Variants in RDH13 observed in about 807,000 individuals in gnomAD.
RDH13 encodes retinol dehydrogenase 13, also known as retinol dehydrogenase 13 (all-trans and 9-cis).
A neutral mutation model predicts 28.3 loss-of-function variants in RDH13; 35 were observed. That is an observed-to-expected ratio of 1.24 (90% CI 0.95 to 1.64). RDH13 has a LOEUF of 1.64. Among genes scored for constraint, RDH13 ranks in the 40% most tolerant of loss-of-function variants. The pLI is 0.00. For synonymous variants in RDH13, 229 were observed against 198.5 expected (o/e 1.15, Z -1.29); for missense variants, 514 against 446.3 (o/e 1.15, Z -1.37).
upstream of RDH13, among the ~76,000 whole-genome samples, chr19:55,068,065 TCTCTCTTTCTCTCCCCCTTC>T (rs920950328): frequency 1.5e-5 from 2 of 134,610 alleles, no homozygotes; most frequent in African/African-American, 5.4e-5. Flanking sequence ...TTCTCCCCCA[TCTCTCTTTCTCTCCCCCTTC>T]CTCTCTTTCT....
intron 2 of RDH13, among the ~76,000 whole-genome samples, chr19:55,058,681 T>C (rs1189511957): frequency 6.6e-6 from 1 of 150,594 alleles, no homozygotes; most frequent in Admixed American, 6.6e-5. Flanking sequence ...TTTTTTTTGT[T>C]TTGCTTTGTT....
At chr19:55,048,564 G>T (rs1257669596) in intron 4 of RDH13, 23 bp from the exon 5 acceptor site, 1 of 1,613,040 alleles carries the variant, frequency 6.2e-7, no homozygotes, top group Admixed American at 1.7e-5. Context: ...TGATGAAAAG[G>T]TCACTTTTGA....
chr19:55,052,701 A>G (rs1010135845), intron 3 of RDH13, among the ~76,000 whole-genome samples: 12 of 148,294 alleles, frequency 8.1e-5, no homozygotes, highest in Admixed American at 2.0e-4. Flanking sequence ...TCACTCTGTC[A>G]CCCAGGCTGG....
chr19:55,059,124 T>A (rs760138398), intron 2 of RDH13, 33 bp downstream of exon 2: 1 of 1,382,962 alleles, frequency 7.2e-7, no homozygotes, highest in South Asian at 1.2e-5. Flanking sequence ...TGTACAGATA[T>A]CTCTCTGAGA....
rs753924576 is a variant in RDH13 at position 55,048,557 on chromosome 19, T to C, written c.446-16A>G. The C allele has an allele frequency of 1.2e-6, 2 of 1,613,606 alleles. No individual in the cohort carries two copies. The highest frequency in any genetic ancestry group is 3.3e-5 in the Admixed American group (2 of 60,012). On this transcript the variant is annotated splice_polypyrimidine_tract_variant and intron_variant, in intron 4 of 6. Transcript: ENST00000415061. ...AGAAAGTGACCTGGATTAAGGATGA[T>C]GAAAAGGTCACTTTTGACTCACACC...
intron 3 of RDH13, among the ~76,000 whole-genome samples, chr19:55,052,284 T>C (rs371893883): frequency 5.3e-5 from 8 of 151,970 alleles, no homozygotes; most frequent in African/African-American, 1.9e-4. Context: ...GGCAGGTGCC[T>C]GTAATCCCAG....
chr19:55,068,582 TCCCAGCACTTTGGGAGGC>T (rs1327604875), intron 1 of RDH13: 3 of 150,528 alleles, frequency 2.0e-5, no homozygotes, highest in African/African-American at 7.4e-5. Flanking sequence ...AGGCCTGTAA[TCCCAGCACTTTGGGAGGC>T]CGAGGCATGC....
At chr19:55,050,707 TGAA>T (rs2075399548) in intron 3 of RDH13, 1 of 152,084 alleles carries the variant, frequency 6.6e-6, no homozygotes, top group Non-Finnish European at 1.5e-5. Flanking sequence ...CACCTCTAAA[TGAA>T]GTCACATGCT....
intron 1 of RDH13, among the ~76,000 whole-genome samples, chr19:55,061,772 G>GCAACA (rs2075813859): frequency 2.1e-5 from 3 of 142,712 alleles, no homozygotes; most frequent in East Asian, 2.2e-4. Context: ...CAGCCTGGGT[G>GCAACA]ACAGAGAGAC....
Position 55,047,471 on chromosome 19 carries a change from T to C in RDH13, c.676A>G (p.Asn226Asp), listed in dbSNP as rs1373492475. ...RRLQGSGVTV[N>D]ALHPGVARTE... ...CTGGCCACGCCGGGGTGCAGGGCGT[T>C]GACAGTCACACCAGAGCCTGGGGAA... is the stretch of plus-strand genomic sequence containing the variant. The change falls in exon 6 of 7, where the codon AAC becomes GAC. Residue 226 changes from asparagine to aspartate, a missense_variant. Asn to Asp is a conservative substitution (Grantham distance 23). Transcript: ENST00000415061. 1.2e-6 allele frequency: 2 copies of C among 1,608,190 alleles called. No individual in the cohort carries two copies. The highest frequency in any genetic ancestry group is 3.3e-5 in the Admixed American group (2 of 59,908).
At chr19:55,060,364 A>C (rs1287162486) in intron 1 of RDH13, among the ~76,000 whole-genome samples, 2 of 152,224 alleles carry the variant, frequency 1.3e-5, no homozygotes, top group East Asian at 1.9e-4. Context: ...GAGAAACATC[A>C]ATCTGGCCTA....
chr19:55,064,732 C>A (rs2075918540), upstream of RDH13, among the ~76,000 whole-genome samples: 1 of 150,328 alleles, frequency 6.7e-6, no homozygotes, highest in African/African-American at 2.5e-5. Flanking sequence ...CCTGCCTCAG[C>A]CTCCCGAGTA....
At chr19:55,067,523 G>A (rs1240022926), upstream of RDH13, 2 of 32,182 alleles carry the variant, frequency 6.2e-5, no homozygotes, top group African/African-American at 1.1e-4. Flanking sequence ...GGTATGGGAG[G>A]GGGTGGAAGG....
At chr19:55,052,669 A>T (rs77116578) in intron 3 of RDH13, among the ~76,000 whole-genome samples, 3,800 of 127,260 alleles carry the variant, frequency 0.03, 167 homozygotes, top group African/African-American at 0.09. Context: ...ATTGTTTTTT[A>T]TTTTTTTTTT....
chr19:55,063,026 G>C lies in RDH13; in HGVS notation c.7C>G (p.Arg3Gly), dbSNP rs766443365. 9.8e-6 allele frequency: 14 copies of C among 1,432,002 alleles called. No individual in the cohort carries two copies. The highest frequency in any genetic ancestry group is 1.5e-5 in the African/African-American group (1 of 65,968). The allele number at this position is 1,432,002 out of a possible 1,614,324, so 88.7% of individuals were successfully genotyped here. A position where few individuals can be genotyped will look rare whatever the true frequency, so the allele number is the denominator to read the frequency against. Residue 3 changes from arginine (R) to glycine (G), a missense_variant, in exon 1 of 7, where the codon CGC becomes GGC. Arg to Gly is a moderately radical substitution (Grantham distance 125). Transcript: ENST00000415061. MS[R>G]YLLPLSALGT... ...AGCGCCGACAGCGGCAGCAGGTAGC[G>C]GCTCATGCCGGGCCGGGGACAGGCG...
chr19:55,047,476 G>A lies in RDH13; in HGVS notation c.671C>T (p.Thr224Ile), dbSNP rs1160370660. The A allele has an allele frequency of 1.3e-5, 21 of 1,607,442 alleles. No homozygotes were observed. Among genetic ancestry groups the A allele is most frequent in the East Asian group, 2.2e-5 (1 of 44,882 alleles). ...LSRRLQGSGV[T>I]VNALHPGVAR... ...CACGCCGGGGTGCAGGGCGTTGACA[G>A]TCACACCAGAGCCTGGGGAAGAAAG... Residue 224 changes from threonine to isoleucine, a missense_variant, in exon 6 of 7, where the codon ACT (threonine) becomes ATT (isoleucine). Physicochemically the swap from Thr to Ile is moderately conservative, Grantham distance 89. Coordinates refer to ENST00000415061, the MANE Select transcript of RDH13 (RefSeq NM_001145971.2).
At chr19:55,043,445 A>G (rs1394059601), downstream of RDH13, among the ~76,000 whole-genome samples, 1 of 152,160 alleles carries the variant, frequency 6.6e-6, no homozygotes, top group South Asian at 2.1e-4. Flanking sequence ...GCACTTTGGG[A>G]GGCCAAGACG....
intron 2 of RDH13, among the ~76,000 whole-genome samples, chr19:55,058,415 T>C (rs529967704): frequency 6.6e-6 from 1 of 151,886 alleles, no homozygotes; most frequent in South Asian, 2.1e-4. Context: ...TAATAATAAT[T>C]CCTAATGTTG....
chr19:55,066,395 CCTCT>C (rs1222924700), upstream of RDH13, among the ~76,000 whole-genome samples: 2 of 151,988 alleles, frequency 1.3e-5, no homozygotes, highest in Admixed American at 6.6e-5. Flanking sequence ...CTCTATCTCT[CCTCT>C]CTCTGTCTCC....
Sources: allele counts gnomAD v4.1 joint callset (sites outside exome capture counted in the v4.1 genomes callset), GRCh38; gene constraint gnomAD v4.1.1; transcripts MANE v1.5; gene names NCBI Gene and HGNC (gene_info 2026-07-23, HGNC 2026-07-21).